The following APOB variants were observed in gnomAD, a reference collection of about 807,000 sequenced individuals.
The protein encoded by APOB is apolipoprotein B-100.
In APOB, 153 loss-of-function variants were observed where a neutral mutation model predicts 314.1. The ratio of observed to expected loss-of-function variants is 0.49; its 90% confidence interval spans 0.43 to 0.56. The LOEUF (loss-of-function observed/expected upper bound fraction) is 0.56, where lower values mean the gene tolerates loss of function less well. Among genes scored for constraint, APOB ranks in the 20% least tolerant of loss-of-function variants. The probability of loss-of-function intolerance (pLI) is 0.00; values close to 1 mark genes in which losing one functional copy is unlikely to be tolerated. For missense variants in APOB, 5,430 were observed against 5,350.7 expected (o/e 1.01, Z -0.46); for synonymous variants, 2,087 against 2,036.4 (o/e 1.02, Z -0.67).
rs770544459 is a variant in APOB at position 21,001,853 on chromosome 2, C to G, written c.13569G>C (p.Leu4523=). The change falls in exon 29 of 29, where the codon CTG becomes CTC. Residue 4523 remains leucine (L), a synonymous_variant. Coordinates refer to ENST00000233242, the MANE Select transcript of APOB (RefSeq NM_000384.3). ...FIAESKRLID[L]SIQNYHTFLI... is the part of the protein sequence containing the mutation. ...GAAATGTGTGGTAGTTTTGAATGGA[C>G]AGGTCAATCAATCTTTTGGATTCAG... 42 of 1,613,882 alleles carry G rather than the reference C, an allele frequency of 2.6e-5. No individual in the cohort carries two copies. The highest frequency in any genetic ancestry group is 3.6e-5 in the Non-Finnish European group (42 of 1,179,978).
In APOB at chr2:21,015,395, A is replaced by G; in HGVS notation, c.3483T>C (p.Val1161=). The G allele has an allele frequency of 1.9e-6, 3 of 1,614,210 alleles. No individual in the cohort carries two copies. The highest frequency in any genetic ancestry group is 2.5e-6 in the Non-Finnish European group (3 of 1,180,042). The change falls in exon 22 of 29, where the codon GTT becomes GTC. Residue 1161 remains valine (V), a synonymous_variant. Transcript: ENST00000233242. ...CATAATGCCATGCCACCCTCTTGGA[A>G]ACTGTGGAGCCATAAGCTGTAGCAG... ...DSSATAYGST[V]SKRVAWHYDE...
intron 27 of APOB, 26 bp from the exon 28 acceptor site, chr2:21,004,478 A>G (rs1663074384): frequency 2.5e-6 from 4 of 1,613,858 alleles, no homozygotes; most frequent in Non-Finnish European, 3.4e-6. Flanking sequence ...CAGATGAGCT[A>G]TCACGAAAGG....
intron 15 of APOB, among the ~76,000 whole-genome samples, chr2:21,025,923 T>G (rs1391086410): frequency 6.6e-6 from 1 of 152,192 alleles, no homozygotes; most frequent in Non-Finnish European, 1.5e-5. Context: ...TGGGGGCTCA[T>G]TGCTAGCTTC....
In APOB at chr2:21,043,935, G is replaced by T; in HGVS notation, c.11C>A (p.Pro4Gln). The change falls in exon 1 of 29, where the codon CCG becomes CAG. Residue 4 changes from proline to glutamine, a missense_variant. Coordinates refer to ENST00000233242, the MANE Select transcript of APOB (RefSeq NM_000384.3). ...CAGCAGCGCCAGCAGCGCGGGCCTC[G>T]GCGGGTCCATCGCCAGCTGCGGTGG... Reference protein sequence around the residue: MDPPRPALLALLAL... With the variant: MDPQRPALLALLAL... 1 of 1,358,192 alleles carries T rather than the reference G, an allele frequency of 7.4e-7. No homozygotes were observed. The highest frequency in any genetic ancestry group is 9.5e-7 in the Non-Finnish European group (1 of 1,055,946). The allele number at this position is 1,358,192 out of a possible 1,614,324, so 84.1% of individuals were successfully genotyped here.
intron 18 of APOB, among the ~76,000 whole-genome samples, chr2:21,020,471 T>G (rs1663579641): frequency 6.6e-6 from 1 of 152,214 alleles, no homozygotes; most frequent in African/African-American, 2.4e-5. Flanking sequence ...CTCCTGAAAA[T>G]GCTTTCATCA....
chr2:21,005,335 T>G lies in APOB; in HGVS notation c.11533A>C (p.Asn3845His). The G allele has an allele frequency of 6.2e-7, 1 of 1,614,096 alleles. No homozygotes were observed. ...IAALDLNAVA[N>H]KIADFELPTI... ...GGCAACTCAAAGTCTGCGATCTTGT[T>G]GGCTACTGCATTTAGATCCAAAGCA... The change falls in exon 26 of 29, where the codon AAC (asparagine) becomes CAC (histidine). Residue 3845 changes from asparagine to histidine, a missense_variant. This residue lies in a region of APOB where 3,281 missense variants were observed against 3,171.0 expected (regional missense o/e 1.03). Coordinates refer to ENST00000233242, the MANE Select transcript of APOB (RefSeq NM_000384.3).
rs1292284263 is a variant in APOB, at chr2:21,009,653, A to T, written c.7215T>A (p.Asn2405Lys). The T allele has an allele frequency of 6.2e-7, 1 of 1,613,450 alleles. No homozygotes were observed. Among genetic ancestry groups the T allele is most frequent in the Admixed American group, 1.7e-5 (1 of 59,906 alleles). Residue 2405 changes from asparagine to lysine, a missense_variant, in exon 26 of 29, where the codon AAT becomes AAA. By Grantham distance (94) the Asn-to-Lys change is moderately conservative. Around this residue, in one of 3 missense-constraint regions of APOB, gnomAD observed 3,281 missense variants for 3,171.0 expected, o/e 1.03. Transcript: ENST00000233242. Reference protein sequence around the residue: ...GFIDDAVKKLNELSFKTFIED... With the variant: ...GFIDDAVKKLKELSFKTFIED... ...CAATGAATGTTTTAAAAGATAATTC[A>T]TTAAGCTTCTTGACAGCATCATCAA...
In APOB at chr2:21,002,326, C is replaced by A; in HGVS notation, c.13096G>T (p.Glu4366Ter). The A allele has an allele frequency of 1.2e-6, 2 of 1,612,514 alleles. No individual in the cohort carries two copies. Among genetic ancestry groups the A allele is most frequent in the Non-Finnish European group, 1.7e-6 (2 of 1,179,578 alleles). ...LHKFNEFIQNELQEASQELQQ... is the reference protein window; with the variant it reads ...LHKFNEFIQN ...AACTCTTGAGAAGCTTCCTGAAGCT[C>A]GTTTTGAATAAATTCATTGAACTTA... The change falls in exon 29 of 29, where the codon GAG becomes TAG. Residue 4366 changes from glutamate (E) to a stop codon, truncating the protein, a stop_gained. Transcript: ENST00000233242. LOFTEE classifies it low-confidence loss of function (END_TRUNC).
rs1444192254 is a variant in APOB, at chr2:21,006,323, A to G, written c.10545T>C (p.Ser3515=). 6.2e-7 allele frequency: 1 copy of G among 1,613,978 alleles called. No homozygotes were observed. The highest frequency in any genetic ancestry group is 8.5e-7 in the Non-Finnish European group (1 of 1,179,984). Reference sequence around the variant, plus strand: ...TGGAATTCAAGTAAGTGTTGGCCTCACTAGCAATAGTTCCTGAATATTCCC... The same window carrying G: ...TGGAATTCAAGTAAGTGTTGGCCTCGCTAGCAATAGTTCCTGAATATTCCC... ...LSREYSGTIA[S]EANTYLNSKS... is the part of the protein sequence containing the mutation. The change falls in exon 26 of 29, where the codon AGT becomes AGC. Residue 3515 remains serine, a synonymous_variant. Transcript: ENST00000233242.
intron 9 of APOB, among the ~76,000 whole-genome samples, chr2:21,032,884 C>T (rs1262394882): frequency 6.6e-6 from 1 of 152,180 alleles, no homozygotes; most frequent in Non-Finnish European, 1.5e-5. Context: ...GGGTCTCATT[C>T]CTGGCCTCAG....
Position 21,007,202 on chromosome 2 carries a change from G to A in APOB, c.9666C>T (p.Ser3222=), listed in dbSNP as rs1335106239. The A allele has an allele frequency of 6.2e-7, 1 of 1,613,774 alleles. No individual in the cohort carries two copies. Among genetic ancestry groups the A allele is most frequent in the East Asian group, 2.2e-5 (1 of 44,874 alleles). Residue 3222 remains serine, a synonymous_variant, in exon 26 of 29, where the codon TCC becomes TCT. Coordinates refer to ENST00000233242, the MANE Select transcript of APOB (RefSeq NM_000384.3). ...RNNALDFVTK[S]YNETKIKFDK... is the part of the protein sequence containing the mutation. ...CAAACTTAATTTTTGTTTCATTATA[G>A]GATTTGGTGACAAAATCTAATGCAT...
At chr2:21,038,572 G>T (rs772611274) in intron 4 of APOB, among the ~76,000 whole-genome samples, 1 of 152,168 alleles carries the variant, frequency 6.6e-6, no homozygotes, top group Non-Finnish European at 1.5e-5. Context: ...CTGACCTCAG[G>T]TGATTCTCCC....
At position 21,011,009 on chromosome 2, in the gene APOB, A is replaced by G; in HGVS notation, c.5859T>C (p.His1953=). The change falls in exon 26 of 29, where the codon CAT becomes CAC. Residue 1953 remains histidine (H), a synonymous_variant. Coordinates refer to ENST00000233242, the MANE Select transcript of APOB (RefSeq NM_000384.3). Reference sequence around the variant, plus strand: ...CACTGATGCTTTTCCTAGACACGAGATGATGACTTGTGGAGCCTTTGTAAT... The same window carrying G: ...CACTGATGCTTTTCCTAGACACGAGGTGATGACTTGTGGAGCCTTTGTAAT... ...SHDYKGSTSH[H]LVSRKSISAA... is the part of the protein sequence containing the mutation. The G allele has an allele frequency of 6.2e-7, 1 of 1,614,126 alleles. No individual in the cohort carries two copies. Among genetic ancestry groups the G allele is most frequent in the Non-Finnish European group, 8.5e-7 (1 of 1,180,004 alleles).
intron 16 of APOB, 41 bp downstream of exon 16, chr2:21,024,890 AAC>A: frequency 3.7e-6 from 6 of 1,609,786 alleles, no homozygotes; most frequent in Non-Finnish European, 5.1e-6. Flanking sequence ...AAAAAAAACC[AAC>A]GTCTGGTCTC....
In APOB at chr2:21,001,838, G is replaced by A. The variant is rs1490771906; in HGVS notation, c.13584C>T (p.Tyr4528=). The A allele has an allele frequency of 6.2e-7, 1 of 1,614,044 alleles. No individual in the cohort carries two copies. The highest frequency in any genetic ancestry group is 8.5e-7 in the Non-Finnish European group (1 of 1,179,946). Residue 4528 remains tyrosine, a synonymous_variant, in exon 29 of 29, where the codon TAC becomes TAT. Coordinates refer to ENST00000233242, the MANE Select transcript of APOB (RefSeq NM_000384.3). The part of the protein sequence containing the change: ...KRLIDLSIQN[Y]HTFLIYITEL... ...CCGTGATGTATATCAGAAATGTGTG[G>A]TAGTTTTGAATGGACAGGTCAATCA...
chr2:21,013,426 C>G lies in APOB; in HGVS notation c.3950G>C (p.Arg1317Thr). 1 of 1,614,228 alleles carries G rather than the reference C, an allele frequency of 6.2e-7. No homozygotes were observed. Among genetic ancestry groups the G allele is most frequent in the Non-Finnish European group, 8.5e-7 (1 of 1,180,034 alleles). Residue 1317 changes from arginine (R) to threonine (T), a missense_variant, in exon 25 of 29, where the codon AGG becomes ACG. By Grantham distance (71) the Arg-to-Thr change is moderately conservative. Around this residue, in one of 3 missense-constraint regions of APOB, gnomAD observed 2,085 missense variants for 2,079.7 expected, o/e 1.00. Transcript: ENST00000233242. ...AGACTTGAAGTGGAGGGCTGGTGTC[C>G]TAACAGTCTCTAACATCTTTAGATC... ...SRDLKMLETV[R>T]TPALHFKSVG... is the part of the protein sequence containing the mutation.
intron 26 of APOB, 103 bp from the exon 27 acceptor site, chr2:21,004,778 T>C (rs1469502614): frequency 2.1e-6 from 2 of 938,894 alleles, no homozygotes; most frequent in Non-Finnish European, 3.4e-6. Context: ...GATATTTCAC[T>C]TGTGTTTAAA....
In APOB at chr2:21,010,519, T is replaced by C; in HGVS notation, c.6349A>G (p.Lys2117Glu). Residue 2117 changes from lysine (K) to glutamate (E), a missense_variant, in exon 26 of 29, where the codon AAA (lysine) becomes GAA (glutamate). By Grantham distance (56) the Lys-to-Glu change is moderately conservative. Transcript: ENST00000233242. ...TAATCATTAGCTTGCTGTGGGAGTT[T>C]TCCCAGGGCTGCTCTGTATTTTCTT... ...FVRKYRAALG[K>E]LPQQANDYLN... 1 of 1,608,962 alleles carries C rather than the reference T, an allele frequency of 6.2e-7. No homozygotes were observed. The highest frequency in any genetic ancestry group is 8.5e-7 in the Non-Finnish European group (1 of 1,176,244).
Position 21,028,551 on chromosome 2 carries a change from G to A in APOB, c.1618-13C>T, listed in dbSNP as rs1553386146. 6.3e-7 allele frequency: 1 copy of A among 1,586,760 alleles called. No homozygotes were observed. The highest frequency in any genetic ancestry group is 8.6e-7 in the Non-Finnish European group (1 of 1,159,518). ...GAACCTCCTGGTCCTGCAGTCAAAAGAGGAGATGGTTATCACTGTCCTGTG... is the reference window on the plus strand; with the variant it reads ...GAACCTCCTGGTCCTGCAGTCAAAAAAGGAGATGGTTATCACTGTCCTGTG... On this transcript the variant is annotated splice_polypyrimidine_tract_variant and intron_variant, in intron 12 of 28. Transcript: ENST00000233242.
Sources: allele counts gnomAD v4.1 joint callset (sites outside exome capture counted in the v4.1 genomes callset), GRCh38; gene constraint gnomAD v4.1.1; regional missense constraint gnomAD v4.1.1; transcripts MANE v1.5; gene names NCBI Gene and HGNC (gene_info 2026-07-23, HGNC 2026-07-21).